The following ARHGAP42 variants were observed in gnomAD, a reference collection of about 807,000 sequenced individuals.
ARHGAP42 encodes rho GTPase-activating protein 42.
ARHGAP42 carries 63 observed loss-of-function variants against 125.0 expected under a neutral mutation model. The ratio of observed to expected loss-of-function variants is 0.50; its 90% CI spans 0.41 to 0.62. The LOEUF (loss-of-function observed/expected upper bound fraction) is 0.62. Ranked by LOEUF, ARHGAP42 falls within the 20% of genes least tolerant of loss-of-function variation. ARHGAP42 has a pLI of 0.00. For synonymous variants in ARHGAP42, 339 were observed against 351.0 expected (o/e 0.97, Z 0.38); for missense variants, 766 against 1,024.2 (o/e 0.75, Z 3.44).
intron 12 of ARHGAP42, among the ~76,000 whole-genome samples, chr11:100,957,584 G>A (rs1857839110): frequency 6.6e-6 from 1 of 152,036 alleles, no homozygotes; most frequent in Non-Finnish European, 1.5e-5. Context: ...AGCAAAGGAT[G>A]GTCAAAGGAA....
chr11:100,753,638 A>G (rs967787496), intron 1 of ARHGAP42, among the ~76,000 whole-genome samples: 3 of 152,238 alleles, frequency 2.0e-5, no homozygotes, highest in African/African-American at 4.8e-5. Flanking sequence ...CCTGTCAGTT[A>G]GAATCAGGAA....
intron 1 of ARHGAP42, among the ~76,000 whole-genome samples, chr11:100,754,703 T>C (rs2120353846): frequency 6.6e-6 from 1 of 152,294 alleles, no homozygotes; most frequent in Non-Finnish European, 1.5e-5. Flanking sequence ...TTAAAATCAC[T>C]CCTCAAGGGA....
At chr11:100,741,256 C>T (rs1862179041) in intron 1 of ARHGAP42, among the ~76,000 whole-genome samples, 2 of 152,144 alleles carry the variant, frequency 1.3e-5, no homozygotes, top group Admixed American at 6.5e-5. Context: ...GTCTCAAACT[C>T]CTGACCTCAA....
intron 4 of ARHGAP42, among the ~76,000 whole-genome samples, chr11:100,897,009 T>G (rs188043922): frequency 1.3e-3 from 203 of 152,342 alleles, no homozygotes; most frequent in African/African-American, 4.8e-3. Context: ...CTTGAATTAA[T>G]TTTTGTATAA....
intron 3 of ARHGAP42, among the ~76,000 whole-genome samples, chr11:100,828,318 T>G (rs1864575072): frequency 6.6e-6 from 1 of 152,170 alleles, no homozygotes; most frequent in Non-Finnish European, 1.5e-5. Context: ...GTGGTTTTGC[T>G]TAGAGCTTTC....
intron 1 of ARHGAP42, among the ~76,000 whole-genome samples, chr11:100,735,748 A>G (rs1017086937): frequency 6.6e-6 from 1 of 151,294 alleles, no homozygotes; most frequent in Admixed American, 6.6e-5. Flanking sequence ...AGCTGGGATT[A>G]CAGGCGCCCG....
Position 100,913,496 on chromosome 11 carries a change from T to C in ARHGAP42, c.429T>C (p.Ser143=). The C allele has an allele frequency of 7.7e-7, 1 of 1,298,738 alleles. No homozygotes were observed. Among genetic ancestry groups the C allele is most frequent in the Non-Finnish European group, 1.0e-6 (1 of 986,754 alleles). The allele number at this position is 1,298,738 out of a possible 1,614,324, so 80.5% of individuals were successfully genotyped here. Residue 143 remains serine, a synonymous_variant, in exon 5 of 24, where the codon TCT becomes TCC. Coordinates refer to ENST00000298815, the MANE Select transcript of ARHGAP42 (RefSeq NM_152432.4). ...ACAAAGAGAGTGAAAAATATTACTC[T>C]ATCCTTGAAAAGCATTTAAATTTGT... The part of the protein sequence containing the change: ...KFDKESEKYY[S]ILEKHLNLSA...
At chr11:100,810,415 C>CT (rs1864108074) in intron 3 of ARHGAP42, among the ~76,000 whole-genome samples, 1 of 152,122 alleles carries the variant, frequency 6.6e-6, no homozygotes, top group African/African-American at 2.4e-5. Flanking sequence ...AGTGTATTTC[C>CT]TTTTTTCATT....
At chr11:100,933,396 A>G in intron 7 of ARHGAP42, 136 bp downstream of exon 7, 1 of 510,466 alleles carries the variant, frequency 2.0e-6, no homozygotes, top group Non-Finnish European at 3.3e-6. Context: ...AGAAAAATTT[A>G]TACTAGCAAA....
intron 2 of ARHGAP42, among the ~76,000 whole-genome samples, chr11:100,772,704 G>T (rs1028396892): frequency 1.3e-5 from 2 of 152,048 alleles, no homozygotes; most frequent in African/African-American, 2.4e-5. Flanking sequence ...ATAAACGTCT[G>T]GTCCTCAACA....
chr11:100,927,298 G>A (rs7949497), intron 6 of ARHGAP42, among the ~76,000 whole-genome samples: 14,553 of 151,992 alleles, frequency 0.096, 954 homozygotes, highest in Non-Finnish European at 0.13. Flanking sequence ...CTTTTTCAAC[G>A]TAATCAGTTA....
In ARHGAP42 at chr11:100,893,057, C is replaced by G. The variant is rs188815597; in HGVS notation, c.385-20395C>G. On this transcript the variant is annotated intron_variant, in intron 4 of 23. Coordinates refer to ENST00000298815, the MANE Select transcript of ARHGAP42 (RefSeq NM_152432.4). ...TCCCTTTCAGTGCTCATCATGTATT[C>G]ATCAGAATGTCAGAAGTATTTGAAT... Among the ~76,000 whole-genome samples, 265 of 152,040 alleles carry G rather than the reference C, an allele frequency of 1.7e-3. 2 individuals carry two copies. The highest frequency in any genetic ancestry group is 0.014 in the Middle Eastern group (4 of 294).
chr11:100,844,305 GTATC>G (rs1591231204), intron 3 of ARHGAP42, among the ~76,000 whole-genome samples: 1 of 152,116 alleles, frequency 6.6e-6, no homozygotes, highest in East Asian at 1.9e-4. Context: ...AACTCAAGAT[GTATC>G]TAGGACTTAA....
chr11:100,768,827 T>A (rs1314617598), intron 1 of ARHGAP42, among the ~76,000 whole-genome samples: 1 of 152,214 alleles, frequency 6.6e-6, no homozygotes. Context: ...ACTCATATAA[T>A]CCTCAAAACA....
Position 100,751,773 on chromosome 11 carries a change from CTTTTTTTTTTTT to C in ARHGAP42, c.155-18555_155-18544del, listed in dbSNP as rs757372755. On this transcript the variant is annotated intron_variant, in intron 1 of 23. Transcript: ENST00000298815. Reference sequence around the variant, plus strand: ...CTGGTTATTCAGATCAGACAGGCACCTTTTTTTTTTTTTTTTTTTTTTTTTTGACGGAATCTC... The same window carrying C: ...CTGGTTATTCAGATCAGACAGGCACCTTTTTTTTTTTTTTGACGGAATCTC... Among the ~76,000 whole-genome samples the C allele has an allele frequency of 9.5e-4, 80 of 84,418 alleles. 1 individual carries two copies. The highest frequency in any genetic ancestry group is 3.7e-3 in the African/African-American group (77 of 20,596). The allele number at this position is 84,418 out of a possible 152,430, so 55.4% of individuals were successfully genotyped here.
At chr11:100,893,538 G>A (rs514957) in intron 4 of ARHGAP42, among the ~76,000 whole-genome samples, 121,113 of 152,026 alleles carry the variant, frequency 0.8, 48,698 homozygotes, top group East Asian at 1. Flanking sequence ...CAAATAATTG[G>A]CAAACGGGAC....
chr11:100,853,232 A>G (rs535824960), intron 3 of ARHGAP42, among the ~76,000 whole-genome samples: 18 of 152,262 alleles, frequency 1.2e-4, no homozygotes, highest in Middle Eastern at 3.4e-3. Flanking sequence ...CCTTTCACAT[A>G]TCTTGATATT....
chr11:100,691,147 G>A (rs1861182706), intron 1 of ARHGAP42, among the ~76,000 whole-genome samples: 1 of 152,166 alleles, frequency 6.6e-6, no homozygotes, highest in African/African-American at 2.4e-5. Flanking sequence ...AGTGATGTTT[G>A]AAAATATTCT....
chr11:100,895,286 A>G (rs1323677380), intron 4 of ARHGAP42, among the ~76,000 whole-genome samples: 1 of 152,110 alleles, frequency 6.6e-6, no homozygotes, highest in African/African-American at 2.4e-5. Flanking sequence ...GTGTTAGCTC[A>G]CAGCTTAGTC....
Sources: allele counts gnomAD v4.1 joint callset (sites outside exome capture counted in the v4.1 genomes callset), GRCh38; gene constraint gnomAD v4.1.1; transcripts MANE v1.5; gene names NCBI Gene and HGNC (gene_info 2026-07-23, HGNC 2026-07-21).